BCL2L11: variants seen among roughly 807,000 people sequenced by gnomAD.
BCL2L11 encodes the protein bcl-2-like protein 11.
BCL2L11 carries 15 observed loss-of-function variants against 20.6 expected under a neutral mutation model. The observed-to-expected ratio is 0.73, with a 90% confidence interval of 0.49 to 1.12. BCL2L11 has a LOEUF of 1.12. Among genes scored for constraint, BCL2L11 ranks in the 50% most tolerant of loss-of-function variants. BCL2L11 has a pLI of 0.00. For synonymous variants in BCL2L11, 108 were observed against 92.8 expected (o/e 1.16, Z -0.94); for missense variants, 292 against 260.9 (o/e 1.12, Z -0.82).
chr2:111,128,530 A>T, intron 2 of BCL2L11: 2 of 1,410,940 alleles, frequency 1.4e-6, no homozygotes, highest in Non-Finnish European at 1.8e-6. Context: ...GCTGTTCTCC[A>T]TAGAGGCTGT....
At chr2:111,144,380 T>TGC in intron 2 of BCL2L11, 1 of 1,199,266 alleles carries the variant, frequency 8.3e-7, no homozygotes, top group Non-Finnish European at 1.2e-6. Flanking sequence ...TGTTGTTGGT[T>TGC]ACTTGCTTAT....
chr2:111,123,885 A>T lies in BCL2L11; in HGVS notation c.140A>T (p.Asn47Ile), dbSNP rs199602272. 3.1e-6 allele frequency: 5 copies of T among 1,609,046 alleles called. No individual in the cohort carries two copies. Among genetic ancestry groups the T allele is most frequent in the Non-Finnish European group, 4.2e-6 (5 of 1,177,662 alleles). The change falls in exon 2 of 4, where the codon AAT becomes ATT. Residue 47 changes from asparagine (N) to isoleucine (I), a missense_variant. Transcript: ENST00000393256. ...GAGCCACAAGGTAATCCTGAAGGCA[A>T]TCACGGAGGTGAAGGGGACAGCTGC... ...QTEPQGNPEG[N>I]HGGEGDSCPH...
intron 2 of BCL2L11, among the ~76,000 whole-genome samples, chr2:111,140,261 A>T (rs1311918771): frequency 2.7e-5 from 4 of 150,296 alleles, no homozygotes; most frequent in Non-Finnish European, 4.4e-5. Context: ...GCTAAAATTT[A>T]AAAAAAAAAT....
chr2:111,121,095 T>C lies in BCL2L11; in HGVS notation c.-107T>C. ...GCGATCGCATCATCGCGGTATTCGG[T>C]TCGCTGCGTTCCCGCCGCCACCGCC... On this transcript the variant is annotated 5_prime_UTR_variant, in exon 1 of 4. Transcript: ENST00000393256. 1 of 302,844 alleles carries C rather than the reference T, an allele frequency of 3.3e-6. No individual in the cohort carries two copies. Among genetic ancestry groups the C allele is most frequent in the East Asian group, 6.7e-5 (1 of 14,904 alleles). 18.8% of individuals were successfully genotyped at this position (302,844 alleles called of 1,614,324 possible). A position where few individuals can be genotyped will look rare whatever the true frequency, so the allele number is the denominator to read the frequency against.
rs114720778 is a variant in BCL2L11, at chr2:111,167,794, A to G, written c.*3563A>G. On this transcript the variant is annotated 3_prime_UTR_variant, in exon 4 of 4. Transcript: ENST00000393256. ...GTACAGCCCTCCCCACGCCCCACCC[A>G]TACGGTCACTGCATTTGGTCAGCCT... 1,074 of 152,830 alleles carry G rather than the reference A, an allele frequency of 7.0e-3. 4 individuals are homozygous for G. Among genetic ancestry groups the G allele is most frequent in the Non-Finnish European group, 0.012 (791 of 68,134 alleles). 9.5% of individuals were successfully genotyped at this position (152,830 alleles called of 1,614,324 possible).
intron 1 of BCL2L11, among the ~76,000 whole-genome samples, chr2:111,121,912 G>A (rs2071058406): frequency 6.6e-6 from 1 of 152,188 alleles, no homozygotes; most frequent in African/African-American, 2.4e-5. Flanking sequence ...TCGGTCCCTG[G>A]GCCGGGCTAT....
At chr2:111,126,072 T>G (rs1305133077) in intron 2 of BCL2L11, among the ~76,000 whole-genome samples, 2 of 152,176 alleles carry the variant, frequency 1.3e-5, no homozygotes, top group Non-Finnish European at 2.9e-5. Flanking sequence ...TATTAAGCTA[T>G]TTTCTCTAAC....
At chr2:111,160,569 A>C (rs189438440) in intron 3 of BCL2L11, among the ~76,000 whole-genome samples, 7 of 152,194 alleles carry the variant, frequency 4.6e-5, no homozygotes, top group Non-Finnish European at 7.3e-5. Context: ...AGTTACCTCC[A>C]GGTAACCCAG....
Position 111,164,286 on chromosome 2 carries a change from C to G in BCL2L11, c.*55C>G, listed in dbSNP as rs900820666. ...CAGACATTTTGCTTGTTCAAACCAA[C>G]AAGACCCAGCACCGCGGTCTCCTGG... On this transcript the variant is annotated 3_prime_UTR_variant, in exon 4 of 4. Transcript: ENST00000393256. 3.0e-5 allele frequency: 40 copies of G among 1,315,414 alleles called. No individual in the cohort carries two copies. The highest frequency in any genetic ancestry group is 4.2e-5 in the Non-Finnish European group (38 of 907,996). The allele number at this position is 1,315,414 out of a possible 1,614,324, so 81.5% of individuals were successfully genotyped here.
intron 2 of BCL2L11, among the ~76,000 whole-genome samples, chr2:111,135,855 A>G (rs1332032881): frequency 6.6e-6 from 1 of 152,150 alleles, no homozygotes; most frequent in Non-Finnish European, 1.5e-5. Context: ...GCTCAGCCCC[A>G]CTAATGTAAC....
intron 2 of BCL2L11, chr2:111,128,942 C>G (rs2150291915): frequency 1.0e-6 from 1 of 977,944 alleles, no homozygotes; most frequent in Non-Finnish European, 1.4e-6. Flanking sequence ...ACAGGCTGGC[C>G]TCACAGAGGA....
intron 2 of BCL2L11, among the ~76,000 whole-genome samples, chr2:111,134,256 G>A (rs778612027): frequency 6.6e-6 from 1 of 151,414 alleles, no homozygotes; most frequent in Non-Finnish European, 1.5e-5. Flanking sequence ...CTTACTGTGG[G>A]TTATACGAAC....
At chr2:111,147,896 G>A (rs1478325604) in intron 2 of BCL2L11, among the ~76,000 whole-genome samples, 1 of 152,210 alleles carries the variant, frequency 6.6e-6, no homozygotes, top group African/African-American at 2.4e-5. Flanking sequence ...CTACAAGAAG[G>A]TAAGCCCCGT....
At chr2:111,142,622 G>A (rs1166593334) in intron 2 of BCL2L11, among the ~76,000 whole-genome samples, 2 of 152,056 alleles carry the variant, frequency 1.3e-5, no homozygotes, top group Non-Finnish European at 2.9e-5. Flanking sequence ...GCTTTTTAAG[G>A]ATTCTGTTTT....
chr2:111,128,262 A>G (rs766252715), intron 2 of BCL2L11, among the ~76,000 whole-genome samples: 6 of 152,134 alleles, frequency 3.9e-5, no homozygotes, highest in Non-Finnish European at 7.3e-5. Flanking sequence ...ATCTTGCAAC[A>G]TGTCAGAATT....
At chr2:111,155,318 A>G (rs1265066578) in intron 3 of BCL2L11, among the ~76,000 whole-genome samples, 2 of 152,128 alleles carry the variant, frequency 1.3e-5, no homozygotes, top group African/African-American at 4.8e-5. Context: ...GTTCTTCAGT[A>G]GCGGTTGCCA....
At chr2:111,153,685 T>C in intron 3 of BCL2L11, 1 of 1,436,202 alleles carries the variant, frequency 7.0e-7, no homozygotes, top group Non-Finnish European at 9.6e-7. Flanking sequence ...GTGTCTTTAT[T>C]TGCTTAATGC....
In BCL2L11 at chr2:111,137,023, G is replaced by A. The variant is rs553932796; in HGVS notation, c.394+12884G>A. Among the ~76,000 whole-genome samples the A allele has an allele frequency of 1.3e-4, 20 of 152,284 alleles. No individual in the cohort carries two copies. In the East Asian group the frequency reaches 3.5e-3, roughly 26 times the overall value. On this transcript the variant is annotated intron_variant, in intron 2 of 3. Transcript: ENST00000393256. ...GACTCTCATGGTGTGACCATAGGGC[G>A]TGCTCTGTGCTGCTTTCGAACATCA... is the stretch of plus-strand genomic sequence containing the variant.
At chr2:111,154,020 C>G (rs575668157) in intron 3 of BCL2L11, 4 of 1,169,216 alleles carry the variant, frequency 3.4e-6, no homozygotes, top group Non-Finnish European at 4.4e-6. Flanking sequence ...TTTTACTACT[C>G]CAGTGGATTT....
Sources: allele counts gnomAD v4.1 joint callset (sites outside exome capture counted in the v4.1 genomes callset), GRCh38; gene constraint gnomAD v4.1.1; transcripts MANE v1.5; gene names NCBI Gene and HGNC (gene_info 2026-07-23, HGNC 2026-07-21).